Variants in FHIT observed in about 807,000 individuals in gnomAD.
FHIT encodes bis(5'-adenosyl)-triphosphatase.
In FHIT, 19 loss-of-function variants were observed where a neutral mutation model predicts 17.9. That is an observed-to-expected ratio of 1.06 (90% CI 0.74 to 1.56). FHIT has a LOEUF of 1.56. Among genes scored for constraint, FHIT ranks in the 40% most tolerant of loss-of-function variants. FHIT has a pLI of 0.00. For missense variants in FHIT, 248 were observed against 189.2 expected (o/e 1.31, Z -1.82); for synonymous variants, 81 against 69.7 (o/e 1.16, Z -0.81).
At chr3:60,833,230 G>T (rs1553743039) in intron 3 of FHIT, among the ~76,000 whole-genome samples, 1 of 152,168 alleles carries the variant, frequency 6.6e-6, no homozygotes, top group South Asian at 2.1e-4. Context: ...CCAATCACGA[G>T]CCCTGTAGTT....
At chr3:60,449,394 T>C (rs1357363835) in intron 5 of FHIT, among the ~76,000 whole-genome samples, 1 of 151,298 alleles carries the variant, frequency 6.6e-6, no homozygotes, top group Admixed American at 6.6e-5. Context: ...TGAAAGCACT[T>C]AGAAGTTATT....
At chr3:60,225,965 G>A (rs1017760874) in intron 5 of FHIT, among the ~76,000 whole-genome samples, 1 of 152,136 alleles carries the variant, frequency 6.6e-6, no homozygotes. Flanking sequence ...TGTGCTGAAG[G>A]GACCCAGTGA....
At chr3:60,143,213 A>G (rs927743286) in intron 5 of FHIT, among the ~76,000 whole-genome samples, 1 of 152,176 alleles carries the variant, frequency 6.6e-6, no homozygotes, top group African/African-American at 2.4e-5. Flanking sequence ...AGCATTGCCA[A>G]ACTCAATTTC....
intron 5 of FHIT, among the ~76,000 whole-genome samples, chr3:60,119,818 G>A (rs1219122010): frequency 6.6e-6 from 1 of 152,034 alleles, no homozygotes; most frequent in African/African-American, 2.4e-5. Flanking sequence ...CTACCACAGA[G>A]CTGTCACATT....
intron 5 of FHIT, among the ~76,000 whole-genome samples, chr3:60,038,667 C>G (rs918056613): frequency 8.1e-5 from 12 of 148,420 alleles, no homozygotes; most frequent in African/African-American, 3.0e-4. Context: ...GAAAGGGATA[C>G]ATTTTTAAGC....
chr3:60,138,035 T>TGAG (rs558875270), intron 5 of FHIT, among the ~76,000 whole-genome samples: 64 of 152,328 alleles, frequency 4.2e-4, no homozygotes, highest in African/African-American at 1.5e-3. Context: ...CTTAACCTTG[T>TGAG]GAGGCAGTAA....
intron 7 of FHIT, among the ~76,000 whole-genome samples, chr3:59,982,970 A>C (rs1489211428): frequency 6.6e-6 from 1 of 151,412 alleles, no homozygotes; most frequent in Non-Finnish European, 1.5e-5. Flanking sequence ...TTTTTTTTTC[A>C]TTCTGTTGCC....
chr3:60,324,915 T>C (rs934752207), intron 5 of FHIT, among the ~76,000 whole-genome samples: 1 of 152,176 alleles, frequency 6.6e-6, no homozygotes, highest in Non-Finnish European at 1.5e-5. Context: ...AAGGCTTTTC[T>C]ATTTTTCTTA....
At chr3:61,038,457 G>A (rs796505718) in intron 3 of FHIT, among the ~76,000 whole-genome samples, 18 of 152,232 alleles carry the variant, frequency 1.2e-4, no homozygotes, top group African/African-American at 4.3e-4. Context: ...AGAGACTTAA[G>A]GAACATATGT....
intron 7 of FHIT, among the ~76,000 whole-genome samples, chr3:59,954,353 T>A (rs1472441955): frequency 6.6e-6 from 1 of 151,926 alleles, no homozygotes; most frequent in African/African-American, 2.4e-5. Flanking sequence ...TGCAAATAAT[T>A]CAACTCAACA....
At chr3:60,635,302 A>C (rs2039553583) in intron 4 of FHIT, among the ~76,000 whole-genome samples, 1 of 152,194 alleles carries the variant, frequency 6.6e-6, no homozygotes, top group Non-Finnish European at 1.5e-5. Flanking sequence ...TCTTTTTATT[A>C]TGAATGCATA....
chr3:60,147,775 T>C (rs879587640), intron 5 of FHIT, among the ~76,000 whole-genome samples: 9 of 152,166 alleles, frequency 5.9e-5, no homozygotes, highest in Admixed American at 4.6e-4. Context: ...TGGAAACATA[T>C]GCCTGCTAAT....
chr3:60,411,235 G>A (rs1184424017), intron 5 of FHIT, among the ~76,000 whole-genome samples: 1 of 152,030 alleles, frequency 6.6e-6, no homozygotes, highest in Non-Finnish European at 1.5e-5. Flanking sequence ...GATGACTTGG[G>A]TCTCCCCAGT....
chr3:60,105,058 C>T (rs920907663), intron 5 of FHIT, among the ~76,000 whole-genome samples: 8 of 152,112 alleles, frequency 5.3e-5, no homozygotes, highest in Admixed American at 1.3e-4. Context: ...TGCTCTGTAC[C>T]GTTCACACTT....
chr3:60,734,129 T>C (rs2107994509), intron 4 of FHIT, among the ~76,000 whole-genome samples: 1 of 152,154 alleles, frequency 6.6e-6, no homozygotes, highest in Admixed American at 6.5e-5. Flanking sequence ...AAATATACAA[T>C]GCAAGCGCCA....
At chr3:60,920,718 T>C (rs148951875) in intron 3 of FHIT, among the ~76,000 whole-genome samples, 1 of 152,008 alleles carries the variant, frequency 6.6e-6, no homozygotes, top group South Asian at 2.1e-4. Flanking sequence ...GCTGGAGCGG[T>C]AGAACCTTTT....
intron 4 of FHIT, among the ~76,000 whole-genome samples, chr3:60,761,823 A>G (rs139281709): frequency 5.3e-4 from 81 of 151,962 alleles, no homozygotes; most frequent in African/African-American, 1.9e-3. Flanking sequence ...AACATTTACC[A>G]ATGCCCGCCC....
intron 3 of FHIT, among the ~76,000 whole-genome samples, chr3:60,981,788 A>C (rs1710508447): frequency 6.7e-6 from 1 of 149,508 alleles, no homozygotes; most frequent in Non-Finnish European, 1.5e-5. Flanking sequence ...TTTTTTTAAG[A>C]GATGGGGTCT....
At chr3:60,081,213 G>A (rs941700108) in intron 5 of FHIT, among the ~76,000 whole-genome samples, 13 of 152,102 alleles carry the variant, frequency 8.5e-5, no homozygotes, top group African/African-American at 2.4e-4. Context: ...CAGGTCTGGT[G>A]AGCCTGAATG....
Sources: allele counts gnomAD v4.1 joint callset (sites outside exome capture counted in the v4.1 genomes callset), GRCh38; gene constraint gnomAD v4.1.1; transcripts MANE v1.5; gene names NCBI Gene and HGNC (gene_info 2026-07-23, HGNC 2026-07-21).